The following GYS1 variants were observed in gnomAD, a reference collection of about 807,000 sequenced individuals.
GYS1 encodes glycogen synthase 1, also known as glycogen [starch] synthase, muscle.
In GYS1, 60 loss-of-function variants were observed where a neutral mutation model predicts 89.1. The ratio of observed to expected loss-of-function variants is 0.67; its 90% confidence interval spans 0.55 to 0.84. The LOEUF (loss-of-function observed/expected upper bound fraction) is 0.84, where lower values mean the gene tolerates loss of function less well. Among genes scored for constraint, GYS1 ranks in the 40% least tolerant of loss-of-function variants. GYS1 has a pLI of 0.00. For synonymous variants in GYS1, 366 were observed against 401.7 expected, an observed-to-expected ratio of 0.91 and a Z score of 1.06; for missense variants, 888 against 1,003.1, an observed-to-expected ratio of 0.89 and a Z score of 1.55.
intron 8 of GYS1, among the ~76,000 whole-genome samples, chr19:48,979,894 G>A (rs932239591): frequency 1.4e-5 from 2 of 147,766 alleles, no homozygotes; most frequent in Non-Finnish European, 3.0e-5. Context: ...TGATCCACCC[G>A]CCTCGGCCTC....
rs5463 is a variant in GYS1, at chr19:48,982,388, C to G, written c.942-13G>C. The G allele has an allele frequency of 1.4e-5, 23 of 1,613,566 alleles. No homozygotes were observed. The African/African-American group carries it at 2.1e-4, about 15-fold the overall frequency. On this transcript the variant is annotated splice_polypyrimidine_tract_variant and intron_variant, in intron 6 of 15. Transcript: ENST00000323798. ...GAAGTCCAGATGCCTAAAGAACCCA[C>G]AAGGCACGGTAAAGCCCAAAGCCCT...
intron 2 of GYS1, among the ~76,000 whole-genome samples, chr19:48,990,466 C>G (rs752535085): frequency 7.2e-5 from 11 of 152,142 alleles, no homozygotes; most frequent in African/African-American, 2.7e-4. Context: ...CAGTCTATTA[C>G]TCTTGCCTGT....
In GYS1 at chr19:48,991,762, A is replaced by G. The variant is rs1310001637; in HGVS notation, c.119-279T>C. ...CAGGCTAGACTTCTGGGTCTGAGAG[A>G]GAAGGGGCTGGGTGCCGGGACCCCT... On this transcript the variant is annotated intron_variant, in intron 1 of 15. Transcript: ENST00000323798. The surrounding 1 kb of genome is among the most constrained non-coding windows in gnomAD (Gnocchi z 4.7). 6.6e-6 allele frequency among the ~76,000 whole-genome samples: 1 copy of G among 152,020 alleles called. No individual in the cohort carries two copies. The highest frequency in any genetic ancestry group is 1.5e-5 in the Non-Finnish European group (1 of 67,962).
intron 6 of GYS1, 119 bp from the exon 7 acceptor site, chr19:48,982,494 G>A: frequency 9.1e-7 from 1 of 1,101,740 alleles, no homozygotes; most frequent in Non-Finnish European, 1.4e-6. Flanking sequence ...GTAATACAGA[G>A]GCATCACGGG....
At position 48,989,256 on chromosome 19, in the gene GYS1, C is replaced by A. The variant is rs189415453; in HGVS notation, c.301-1871G>T. On this transcript the variant is annotated intron_variant, in intron 2 of 15. Coordinates refer to ENST00000323798, the MANE Select transcript of GYS1 (RefSeq NM_002103.5). The stretch of plus-strand genomic sequence containing the variant: ...TAGCTCTTTGGGGGGCCGAGGCGGG[C>A]GGATTGCCTGAGCTCAGGAGTTTGA... Among the ~76,000 whole-genome samples the A allele has an allele frequency of 1.6e-4, 24 of 151,626 alleles. 1 individual carries two copies. The East Asian group carries it at 4.7e-3, about 30-fold the overall frequency.
chr19:48,975,973 G>C (rs1475276329), intron 10 of GYS1, among the ~76,000 whole-genome samples: 2 of 150,014 alleles, frequency 1.3e-5, no homozygotes. Context: ...CCTAACAAAG[G>C]CCCAAAGAAA....
intron 2 of GYS1, among the ~76,000 whole-genome samples, chr19:48,990,471 G>A (rs2038909498): frequency 6.6e-6 from 1 of 152,008 alleles, no homozygotes; most frequent in South Asian, 2.1e-4. Context: ...TATTACTCTT[G>A]CCTGTGGCTC....
rs764135201 is a variant in GYS1, at chr19:48,969,604, C to A, written c.1898G>T (p.Gly633Val). The change falls in exon 16 of 16, where the codon GGG (glycine) becomes GTG (valine). Residue 633 changes from glycine to valine, a missense_variant. Physicochemically the swap from Gly to Val is moderately radical, Grantham distance 109. Transcript: ENST00000323798. ...CGAGGCTGGCCGTGGGTAGCGGTAC[C>A]CCTGGGCCTGCATACGGCGATGTGG... ...YEPNEADAAQ[G>V]YRYPRPASVP... 2 of 1,539,748 alleles carry A rather than the reference C, an allele frequency of 1.3e-6. No individual in the cohort carries two copies. Among genetic ancestry groups the A allele is most frequent in the Admixed American group, 2.0e-5 (1 of 51,176 alleles).
intron 10 of GYS1, among the ~76,000 whole-genome samples, chr19:48,977,547 C>T (rs942399867): frequency 1.3e-5 from 2 of 152,076 alleles, no homozygotes; most frequent in South Asian, 2.1e-4. Flanking sequence ...GAGCCGAGAT[C>T]GTGCCACTGC....
chr19:48,970,136 C>CT (rs1600129135), intron 14 of GYS1: 2 of 513,610 alleles, frequency 3.9e-6, no homozygotes, highest in South Asian at 2.1e-5. Context: ...TTCTTTTTTT[C>CT]TTTTTAAACA....
At chr19:48,983,017 CT>C (rs1600144890) in intron 5 of GYS1, among the ~76,000 whole-genome samples, 180 bp from the exon 6 acceptor site, 2 of 152,244 alleles carry the variant, frequency 1.3e-5, no homozygotes, top group East Asian at 3.9e-4. Context: ...GACAGGGTTT[CT>C]CTCTGTCGCT....
chr19:48,990,012 G>T (rs959867193), intron 2 of GYS1, among the ~76,000 whole-genome samples: 12 of 150,680 alleles, frequency 8.0e-5, no homozygotes, highest in East Asian at 3.9e-4. Context: ...GGGGGGGGGG[G>T]GCTATTCTTA....
At position 48,968,819 on chromosome 19, in the gene GYS1, TG is replaced by T. The variant is rs1291339030; in HGVS notation, c.*468del. The T allele has an allele frequency of 2.2e-6, 1 of 456,940 alleles. No homozygotes were observed. Among genetic ancestry groups the T allele is most frequent in the African/African-American group, 2.0e-5 (1 of 50,266 alleles). 28.3% of individuals were successfully genotyped at this position (456,940 alleles called of 1,614,324 possible). The stretch of plus-strand genomic sequence containing the variant: ...TCAAACTCTGAAAGTGCCCCGGCTC[TG>T]GACTTGATCGCCCCATTCGCAGGGA... On this transcript the variant is annotated 3_prime_UTR_variant, in exon 16 of 16. Coordinates refer to ENST00000323798, the MANE Select transcript of GYS1 (RefSeq NM_002103.5).
chr19:48,978,229 T>A (rs1448460169), intron 8 of GYS1, 72 bp from the exon 9 acceptor site: 17 of 1,316,968 alleles, frequency 1.3e-5, no homozygotes, highest in African/African-American at 1.0e-4. Flanking sequence ...TTAGTTAGTT[T>A]GTTTGTTTAT....
chr19:48,992,271 G>A (rs1002168865), intron 1 of GYS1, among the ~76,000 whole-genome samples: 1 of 152,076 alleles, frequency 6.6e-6, no homozygotes, highest in African/African-American at 2.4e-5. Context: ...GGGGATTTCA[G>A]CCCCAGCCTT....
chr19:48,974,687 G>A lies in GYS1; in HGVS notation c.1355C>T (p.Ser452Phe). 1.2e-6 allele frequency: 2 copies of A among 1,614,042 alleles called. No homozygotes were observed. The highest frequency in any genetic ancestry group is 1.1e-5 in the South Asian group (1 of 91,078). ...GATGGTGGTCAGGATGGGGTCTGAGGAGTCATCCAGCATATTGTGGGTGCA... is the reference window on the plus strand; with the variant it reads ...GATGGTGGTCAGGATGGGGTCTGAGAAGTCATCCAGCATATTGTGGGTGCA... ...PVCTHNMLDD[S>F]SDPILTTIRR... Residue 452 changes from serine (S) to phenylalanine (F), a missense_variant, in exon 11 of 16, where the codon TCC becomes TTC. Coordinates refer to ENST00000323798, the MANE Select transcript of GYS1 (RefSeq NM_002103.5).
intron 2 of GYS1, among the ~76,000 whole-genome samples, chr19:48,988,699 C>T (rs564006077): frequency 3.3e-5 from 5 of 152,094 alleles, no homozygotes; most frequent in Non-Finnish European, 5.9e-5. Flanking sequence ...ACTGAAGCTT[C>T]GATCTCCCAG....
rs758550328 is a variant in GYS1, at chr19:48,987,269, G to C, written c.417C>G (p.Ile139Met). 1.2e-6 allele frequency: 2 copies of C among 1,612,888 alleles called. No homozygotes were observed. Among genetic ancestry groups the C allele is most frequent in the East Asian group, 4.5e-5 (2 of 44,870 alleles). ...CCTCGCGGTCGTACCACGGCACTCCGATGTTGCAGGTATCCCAGAGCTCTC... is the reference window on the plus strand; with the variant it reads ...CCTCGCGGTCGTACCACGGCACTCCCATGTTGCAGGTATCCCAGAGCTCTC... ...WKGELWDTCN[I>M]GVPWYDREAN... is the part of the protein sequence containing the mutation. Residue 139 changes from isoleucine to methionine, a missense_variant, in exon 3 of 16, where the codon ATC becomes ATG. Physicochemically the swap from Ile to Met is conservative, Grantham distance 10. Coordinates refer to ENST00000323798, the MANE Select transcript of GYS1 (RefSeq NM_002103.5).
rs1197422672 is a variant in GYS1, at chr19:48,969,549, G to C, written c.1953C>G (p.His651Gln). 4.5e-6 allele frequency: 7 copies of C among 1,540,726 alleles called. No homozygotes were observed. The East Asian group carries it at 1.2e-4, about 27-fold the overall frequency. ...SVPPSPSLSRHSSPHQSEDEE... is the reference protein window; with the variant it reads ...SVPPSPSLSRQSSPHQSEDEE... Reference sequence around the variant, plus strand: ...CGTCCTCACTCTGGTGCGGGCTGGAGTGTCGTGACAGCGAGGGCGACGGTG... The same window carrying C: ...CGTCCTCACTCTGGTGCGGGCTGGACTGTCGTGACAGCGAGGGCGACGGTG... The change falls in exon 16 of 16, where the codon CAC (histidine) becomes CAG (glutamine). Residue 651 changes from histidine (H) to glutamine (Q), a missense_variant. His to Gln is a conservative substitution (Grantham distance 24). Transcript: ENST00000323798.
Sources: allele counts gnomAD v4.1 joint callset (sites outside exome capture counted in the v4.1 genomes callset), GRCh38; gene constraint gnomAD v4.1.1; non-coding constraint Gnocchi (gnomAD v3.1); transcripts MANE v1.5; gene names NCBI Gene and HGNC (gene_info 2026-07-23, HGNC 2026-07-21).